Variants in ZNF438 observed in about 807,000 individuals in gnomAD.
ZNF438 encodes zinc finger protein 438.
ZNF438 carries 25 observed loss-of-function variants against 38.0 expected under a neutral mutation model. The ratio of observed to expected loss-of-function variants is 0.66; its 90% CI spans 0.48 to 0.92. The LOEUF (loss-of-function observed/expected upper bound fraction) is 0.92, where lower values mean the gene tolerates loss of function less well. Among genes scored for constraint, ZNF438 ranks in the 40% least tolerant of loss-of-function variants. The pLI is 0.00. For missense variants in ZNF438, 1,007 were observed against 999.6 expected (o/e 1.01, Z -0.10); for synonymous variants, 372 against 364.1 (o/e 1.02, Z -0.25).
intron 1 of ZNF438, among the ~76,000 whole-genome samples, chr10:30,989,966 T>C (rs1175648104): frequency 6.6e-6 from 1 of 152,158 alleles, no homozygotes; most frequent in Non-Finnish European, 1.5e-5. Context: ...CCTTAAACAG[T>C]AGGGCTTCTA....
intron 2 of ZNF438, among the ~76,000 whole-genome samples, chr10:30,928,385 T>C (rs1305327591): frequency 6.6e-6 from 1 of 152,138 alleles, no homozygotes; most frequent in Admixed American, 6.6e-5. Context: ...GAAAATAACA[T>C]TCAGGATTCT....
intron 1 of ZNF438, among the ~76,000 whole-genome samples, chr10:30,976,182 A>G (rs181670788): frequency 6.6e-6 from 1 of 152,224 alleles, no homozygotes; most frequent in Non-Finnish European, 1.5e-5. Context: ...AATGAAAACA[A>G]GGAAGAATTT....
intron 2 of ZNF438, among the ~76,000 whole-genome samples, chr10:30,930,146 A>G (rs1277869029): frequency 2.4e-5 from 1 of 42,428 alleles, no homozygotes; most frequent in African/African-American, 1.0e-4. Context: ...GCAGGAGCCC[A>G]TTTGGTGGGG....
intron 1 of ZNF438, among the ~76,000 whole-genome samples, chr10:30,956,054 T>TA (rs1386069357): frequency 6.6e-6 from 1 of 152,196 alleles, no homozygotes; most frequent in Non-Finnish European, 1.5e-5. Flanking sequence ...TTCGTCTTAC[T>TA]AAATAAACTA....
chr10:31,026,881 C>G (rs2056979107), intron 1 of ZNF438, among the ~76,000 whole-genome samples: 1 of 152,088 alleles, frequency 6.6e-6, no homozygotes, highest in South Asian at 2.1e-4. Flanking sequence ...GAAAATGTGG[C>G]ACATATACAC....
At chr10:30,947,372 TC>T (rs2047539805) in intron 1 of ZNF438, among the ~76,000 whole-genome samples, 1 of 152,230 alleles carries the variant, frequency 6.6e-6, no homozygotes, top group Admixed American at 6.5e-5. Flanking sequence ...CATAACAGAA[TC>T]TAGTAAAGGG....
rs2036262875 is a variant in ZNF438, at chr10:30,865,374, T to C, written c.37+11624A>G. 2.0e-5 allele frequency among the ~76,000 whole-genome samples: 3 copies of C among 152,222 alleles called. No homozygotes were observed. In the South Asian group the frequency reaches 6.2e-4, roughly 32 times the overall value. Reference sequence around the variant, plus strand: ...TCAGGCTCACACCAGAATCTGACTTTTCTGAAGCAACAATTACACAATACA... The same window carrying C: ...TCAGGCTCACACCAGAATCTGACTTCTCTGAAGCAACAATTACACAATACA... On this transcript the variant is annotated intron_variant, in intron 4 of 5. Coordinates refer to ENST00000413025, the Ensembl canonical transcript of ZNF438.
At chr10:30,974,033 C>CTG (rs1268792562) in intron 1 of ZNF438, among the ~76,000 whole-genome samples, 1 of 152,186 alleles carries the variant, frequency 6.6e-6, no homozygotes. Context: ...TCAGTGTGAC[C>CTG]TGCAGCCTAA....
chr10:31,025,376 G>A (rs906877585), intron 1 of ZNF438, among the ~76,000 whole-genome samples: 1 of 152,166 alleles, frequency 6.6e-6, no homozygotes, highest in African/African-American at 2.4e-5. Flanking sequence ...ACACACAAAT[G>A]TGACAACCAA....
intron 4 of ZNF438, among the ~76,000 whole-genome samples, chr10:30,855,933 A>T (rs749954365): frequency 2.0e-5 from 3 of 152,250 alleles, no homozygotes; most frequent in Non-Finnish European, 4.4e-5. Context: ...GAATGGGATA[A>T]GTGCTAACTT....
exon 5 of ZNF438, chr10:30,848,680 C>T (rs769147992): frequency 1.9e-6 from 3 of 1,614,232 alleles, no homozygotes; most frequent in African/African-American, 1.3e-5. Flanking sequence ...TGTGGCCAAA[C>T]ACTTTTGCAC....
intron 2 of ZNF438, among the ~76,000 whole-genome samples, chr10:30,938,448 G>A (rs750316801): frequency 5.9e-5 from 9 of 151,876 alleles, no homozygotes; most frequent in Non-Finnish European, 1.2e-4. Flanking sequence ...GCTAATTTGT[G>A]TATTTTTAGT....
intron 2 of ZNF438, among the ~76,000 whole-genome samples, chr10:30,923,108 A>G (rs934096611): frequency 1.3e-5 from 2 of 152,238 alleles, no homozygotes; most frequent in African/African-American, 2.4e-5. Context: ...GGCATAATTG[A>G]ATTGTCAGTA....
chr10:30,948,377 G>A (rs2047713826), intron 1 of ZNF438, among the ~76,000 whole-genome samples: 1 of 152,158 alleles, frequency 6.6e-6, no homozygotes, highest in Non-Finnish European at 1.5e-5. Context: ...TTCCTCACCA[G>A]CAACGGAACA....
At chr10:30,998,144 TGA>T (rs1382351147) in intron 1 of ZNF438, among the ~76,000 whole-genome samples, 5 of 152,142 alleles carry the variant, frequency 3.3e-5, no homozygotes, top group African/African-American at 1.2e-4. Flanking sequence ...TAAGGGAATT[TGA>T]GAGTTTCAGC....
At chr10:30,897,437 G>A (rs532012456) in intron 3 of ZNF438, among the ~76,000 whole-genome samples, 2 of 152,152 alleles carry the variant, frequency 1.3e-5, no homozygotes, top group South Asian at 4.1e-4. Flanking sequence ...AGTATTAGCA[G>A]CTGACAAAAG....
intron 1 of ZNF438, among the ~76,000 whole-genome samples, chr10:31,008,876 C>A (rs542321442): frequency 6.6e-6 from 1 of 152,314 alleles, no homozygotes; most frequent in African/African-American, 2.4e-5. Flanking sequence ...ATTTTAAATT[C>A]CTACCAGCAA....
At chr10:31,010,388 C>G (rs553029882) in intron 1 of ZNF438, among the ~76,000 whole-genome samples, 9 of 152,282 alleles carry the variant, frequency 5.9e-5, no homozygotes, top group African/African-American at 2.2e-4. Flanking sequence ...CTAACCTTTT[C>G]CATCAAAGTA....
At chr10:30,875,908 G>A (rs2038342696) in intron 4 of ZNF438, among the ~76,000 whole-genome samples, 1 of 152,254 alleles carries the variant, frequency 6.6e-6, no homozygotes, top group Non-Finnish European at 1.5e-5. Flanking sequence ...AATAGCCATT[G>A]AGAATGGTAG....
Sources: gnomAD v4.1 joint callset for allele counts (sites outside exome capture counted in the v4.1 genomes callset) on GRCh38, gnomAD v4.1.1 for gene constraint, MANE v1.5 for transcripts, NCBI Gene and HGNC (gene_info 2026-07-23, HGNC 2026-07-21) for gene names.